MARK3: variants seen among roughly 807,000 people sequenced by gnomAD.
MARK3 encodes the protein microtubule affinity regulating kinase 3, also known as MAP/microtubule affinity-regulating kinase 3.
In MARK3, 46 loss-of-function variants were observed where a neutral mutation model predicts 90.1. The ratio of observed to expected loss-of-function variants is 0.51; its 90% CI spans 0.40 to 0.65. MARK3 has a LOEUF of 0.65. Ranked by LOEUF, MARK3 falls within the 30% of genes least tolerant of loss-of-function variation. The pLI is 0.00. For synonymous variants in MARK3, 321 were observed against 332.6 expected, an observed-to-expected ratio of 0.97 and a Z score of 0.38; for missense variants, 818 against 947.2, an observed-to-expected ratio of 0.86 and a Z score of 1.79.
chr14:103,472,637 G>T (rs1470549779), intron 12 of MARK3, among the ~76,000 whole-genome samples: 4 of 115,798 alleles, frequency 3.5e-5, no homozygotes, highest in African/African-American at 6.7e-5. Flanking sequence ...AACAGAGCGA[G>T]GCTCCATCTC....
intron 6 of MARK3, chr14:103,458,725 A>G (rs1374523053): frequency 4.2e-6 from 3 of 715,344 alleles, no homozygotes; most frequent in Non-Finnish European, 7.6e-6. Flanking sequence ...ATTCATATAC[A>G]GGGTTGTCAA....
At chr14:103,454,256 T>C (rs1043475397) in intron 5 of MARK3, among the ~76,000 whole-genome samples, 4 of 151,966 alleles carry the variant, frequency 2.6e-5, no homozygotes, top group Non-Finnish European at 5.9e-5. Context: ...TTGGGTTTTT[T>C]TTTTTTTCTT....
At chr14:103,466,934 G>T in intron 10 of MARK3, 145 bp from the exon 11 acceptor site, 2 of 435,214 alleles carry the variant, frequency 4.6e-6, no homozygotes, top group East Asian at 3.8e-5. Context: ...AATCTGGGAG[G>T]TGGAGGTTGC....
At position 103,469,174 on chromosome 14, in the gene MARK3, A is replaced by T. The variant is rs2093577827; in HGVS notation, c.1264+988A>T. On this transcript the variant is annotated intron_variant, in intron 12 of 17. Transcript: ENST00000429436. Reference sequence around the variant, plus strand: ...TTTCTATTTATTTTTTATTATTTTTATTTATTTATTTATTTATTTATTTTT... The same window carrying T: ...TTTCTATTTATTTTTTATTATTTTTTTTTATTTATTTATTTATTTATTTTT... 1.3e-5 allele frequency: 2 copies of T among 150,922 alleles called. 1 individual carries two copies. Among genetic ancestry groups the T allele is most frequent in the Non-Finnish European group, 3.0e-5 (2 of 67,710 alleles). The allele number at this position is 150,922 out of a possible 1,614,324, so 9.3% of individuals were successfully genotyped here. A position where few individuals can be genotyped will look rare whatever the true frequency, so the allele number is the denominator to read the frequency against.
At chr14:103,392,354 T>A (rs1220968821) in intron 1 of MARK3, among the ~76,000 whole-genome samples, 4 of 152,192 alleles carry the variant, frequency 2.6e-5, no homozygotes, top group Non-Finnish European at 5.9e-5. Flanking sequence ...CTCTCAAACT[T>A]AAGCAAACAT....
At chr14:103,462,501 T>C (rs182399811) in intron 7 of MARK3, 40 bp downstream of exon 7, 90 of 1,476,862 alleles carry the variant, frequency 6.1e-5, no homozygotes, top group Admixed American at 5.3e-4. Context: ...CTCTGTCTGT[T>C]TGTGTGCAGT....
At chr14:103,444,592 C>T (rs2092946498) in intron 3 of MARK3, among the ~76,000 whole-genome samples, 1 of 152,124 alleles carries the variant, frequency 6.6e-6, no homozygotes, top group Non-Finnish European at 1.5e-5. Context: ...TCCTGGCTAA[C>T]ATGGTGAAAC....
chr14:103,428,794 G>A (rs549149990), intron 3 of MARK3, among the ~76,000 whole-genome samples: 1 of 151,982 alleles, frequency 6.6e-6, no homozygotes, highest in Non-Finnish European at 1.5e-5. Flanking sequence ...TTGATATTGT[G>A]CAAATTTGTA....
rs774466040 is a variant in MARK3, at chr14:103,405,246, A to G, written c.222A>G (p.Arg74=). The G allele has an allele frequency of 6.4e-7, 1 of 1,554,186 alleles. No homozygotes were observed. Among genetic ancestry groups the G allele is most frequent in the Non-Finnish European group, 8.7e-7 (1 of 1,152,520 alleles). Residue 74 remains arginine, a synonymous_variant, in exon 2 of 18, where the codon AGA becomes AGG. Coordinates refer to ENST00000429436, the MANE Select transcript of MARK3 (RefSeq NM_001128918.3). ...ATTTTGCAAAAGTAAAATTGGCAAG[A>G]CATATCCTTACAGGCAGAGAGGTAA... ...KGNFAKVKLA[R]HILTGREVAI...
chr14:103,488,606 G>T (rs919096730), intron 14 of MARK3, among the ~76,000 whole-genome samples: 1 of 152,146 alleles, frequency 6.6e-6, no homozygotes, highest in South Asian at 2.1e-4. Flanking sequence ...TATAATCCCA[G>T]CACTTTGGGA....
chr14:103,410,004 T>C (rs1192913692), intron 2 of MARK3, among the ~76,000 whole-genome samples: 1 of 152,182 alleles, frequency 6.6e-6, no homozygotes, highest in Non-Finnish European at 1.5e-5. Flanking sequence ...ACTAAATTGG[T>C]TTTGAATAAA....
At position 103,460,104 on chromosome 14, in the gene MARK3, TG is replaced by T. The variant is rs781576868; in HGVS notation, c.484-2300del. On this transcript the variant is annotated intron_variant, in intron 6 of 17. Transcript: ENST00000429436. ...TTTTTTTTTTTTTTTTTTTTTTTTT[TG>T]AGACAAATCTCGCTTTGTCGCCCAG... Among the ~76,000 whole-genome samples the T allele has an allele frequency of 4.3e-4, 47 of 108,618 alleles. 2 individuals are homozygous for T. Among genetic ancestry groups the T allele is most frequent in the Non-Finnish European group, 8.2e-4 (43 of 52,228 alleles). The allele number at this position is 108,618 out of a possible 152,430, so 71.3% of individuals were successfully genotyped here. A position where few individuals can be genotyped will look rare whatever the true frequency, so the allele number is the denominator to read the frequency against.
At position 103,503,535 on chromosome 14, in the gene MARK3, A is replaced by G; in HGVS notation, c.*308A>G. On this transcript the variant is annotated 3_prime_UTR_variant, in exon 18 of 18. Transcript: ENST00000429436. ...GGACGGTATGTGTGTGAAGTGGTGT[A>G]TATGGAAGCATCTCCCTACACTGGC... is the stretch of plus-strand genomic sequence containing the variant. The G allele has an allele frequency of 3.0e-6, 1 of 329,240 alleles. No individual in the cohort carries two copies. The highest frequency in any genetic ancestry group is 5.6e-6 in the Non-Finnish European group (1 of 177,180). 20.4% of individuals were successfully genotyped at this position (329,240 alleles called of 1,614,324 possible). A position where few individuals can be genotyped will look rare whatever the true frequency, so the allele number is the denominator to read the frequency against.
At chr14:103,476,593 A>G (rs946495657) in intron 13 of MARK3, among the ~76,000 whole-genome samples, 5 of 152,230 alleles carry the variant, frequency 3.3e-5, no homozygotes, top group Non-Finnish European at 7.3e-5. Flanking sequence ...AACCTAACAT[A>G]TTAAAGAATT....
chr14:103,477,638 T>C lies in MARK3; in HGVS notation c.1482+2428T>C, dbSNP rs115454376. Among the ~76,000 whole-genome samples the C allele has an allele frequency of 3.5e-3, 524 of 151,432 alleles. 5 individuals carry two copies. The highest frequency in any genetic ancestry group is 0.012 in the African/African-American group (498 of 41,524). On this transcript the variant is annotated intron_variant, in intron 13 of 17. Coordinates refer to ENST00000429436, the MANE Select transcript of MARK3 (RefSeq NM_001128918.3). The stretch of plus-strand genomic sequence containing the variant: ...GGTGGCATTTGGTACACTCACAGTA[T>C]TGTGCAGCCAACACCTGTCTTTAGT...
At chr14:103,412,512 C>A in intron 2 of MARK3, 1 of 519,584 alleles carries the variant, frequency 1.9e-6, no homozygotes, top group South Asian at 1.9e-5. Flanking sequence ...ACCTCAGTGT[C>A]CACTTGGGGG....
intron 14 of MARK3, among the ~76,000 whole-genome samples, chr14:103,487,905 G>A (rs1384303453): frequency 3.3e-5 from 5 of 152,028 alleles, no homozygotes; most frequent in African/African-American, 7.2e-5. Flanking sequence ...AAAATTAGCC[G>A]GGCGTGGTGG....
At chr14:103,491,013 C>T in intron 14 of MARK3, 1 of 1,288,572 alleles carries the variant, frequency 7.8e-7, no homozygotes, top group African/African-American at 1.5e-5. Context: ...TACCTGTCGG[C>T]TGAGACATCA....
intron 5 of MARK3, among the ~76,000 whole-genome samples, chr14:103,456,377 C>T (rs763107561): frequency 7.2e-5 from 11 of 152,200 alleles, no homozygotes; most frequent in East Asian, 1.9e-4. Context: ...GTCCTCACCA[C>T]GGCCTACAGG....
Sources: allele counts gnomAD v4.1 joint callset (sites outside exome capture counted in the v4.1 genomes callset), GRCh38; gene constraint gnomAD v4.1.1; transcripts MANE v1.5; gene names NCBI Gene and HGNC (gene_info 2026-07-23, HGNC 2026-07-21).